The following GFPT1 variants were observed in gnomAD, a reference collection of about 807,000 sequenced individuals.
GFPT1 encodes glutamine--fructose-6-phosphate aminotransferase [isomerizing] 1.
A neutral mutation model predicts 92.0 loss-of-function variants in GFPT1; 40 were observed. The ratio of observed to expected loss-of-function variants is 0.43; its 90% CI spans 0.34 to 0.57. The LOEUF (loss-of-function observed/expected upper bound fraction) is 0.57. Among genes scored for constraint, GFPT1 ranks in the 20% least tolerant of loss-of-function variants. The pLI is 0.02. For synonymous variants in GFPT1, 269 were observed against 280.6 expected (o/e 0.96, Z 0.41); for missense variants, 448 against 869.1 (o/e 0.52, Z 6.09).
chr2:69,329,583 T>C (rs1238601412), intron 16 of GFPT1, 101 bp downstream of exon 16: 9 of 977,982 alleles, frequency 9.2e-6, no homozygotes, highest in Admixed American at 9.1e-5. Flanking sequence ...AAAGATCTTA[T>C]TGACTAAATA....
intron 15 of GFPT1, among the ~76,000 whole-genome samples, chr2:69,335,138 C>G (rs1352129841): frequency 1.3e-5 from 2 of 152,022 alleles, no homozygotes; most frequent in Non-Finnish European, 2.9e-5. Context: ...TCCTGAGTAG[C>G]TGGGACTACA....
intron 1 of GFPT1, among the ~76,000 whole-genome samples, chr2:69,375,893 C>T (rs924927349): frequency 6.6e-6 from 1 of 152,198 alleles, no homozygotes; most frequent in Non-Finnish European, 1.5e-5. Flanking sequence ...GGTAGCGGCA[C>T]AGCAATGTGC....
In GFPT1 at chr2:69,343,559, G is replaced by A. The variant is rs545806692; in HGVS notation, c.1106-1310C>T. ...CTTAGTAGCTGGGATTACAGGCCGC[G>A]AGCCACCACGCCCAGCTAATTTTTT... On this transcript the variant is annotated intron_variant, in intron 12 of 19. Coordinates refer to ENST00000357308, the MANE Select transcript of GFPT1 (RefSeq NM_001244710.2). Among the ~76,000 whole-genome samples the A allele has an allele frequency of 2.6e-5, 4 of 151,818 alleles. 1 individual carries two copies. The highest frequency in any genetic ancestry group is 4.2e-4 in the South Asian group (2 of 4,794).
At chr2:69,350,839 G>T (rs1341201310) in intron 9 of GFPT1, among the ~76,000 whole-genome samples, 1 of 151,414 alleles carries the variant, frequency 6.6e-6, no homozygotes, top group East Asian at 1.9e-4. Flanking sequence ...GGAAGTGGAG[G>T]CTGCAGTGAG....
intron 15 of GFPT1, among the ~76,000 whole-genome samples, chr2:69,335,542 T>C (rs1670774239): frequency 6.6e-6 from 1 of 152,106 alleles, no homozygotes; most frequent in Admixed American, 6.5e-5. Flanking sequence ...CTGTTATAAA[T>C]AAAGAGCCTC....
intron 2 of GFPT1, chr2:69,371,258 A>C (rs1315226654): frequency 6.9e-6 from 1 of 145,642 alleles, no homozygotes; most frequent in Admixed American, 6.8e-5. Flanking sequence ...TTTTTTTTTT[A>C]AGTAGAGATG....
chr2:69,356,224 C>T (rs912267805), intron 7 of GFPT1, among the ~76,000 whole-genome samples: 1 of 151,994 alleles, frequency 6.6e-6, no homozygotes. Flanking sequence ...AAACTCCTGA[C>T]CTCAGATGAT....
In GFPT1 at chr2:69,321,920, C is replaced by T. The variant is rs1474613755; in HGVS notation, c.*4269G>A. On this transcript the variant is annotated 3_prime_UTR_variant, in exon 20 of 20. Transcript: ENST00000357308. ...AATATAGCATAATTTTACAATCGTACTTTCACTATGATTTTTATTTTAACC... is the reference window on the plus strand; with the variant it reads ...AATATAGCATAATTTTACAATCGTATTTTCACTATGATTTTTATTTTAACC... 1 of 152,158 alleles carries T rather than the reference C, an allele frequency of 6.6e-6. No homozygotes were observed. The highest frequency in any genetic ancestry group is 2.4e-5 in the African/African-American group (1 of 41,438). The allele number at this position is 152,158 out of a possible 1,614,324, so 9.4% of individuals were successfully genotyped here.
intron 7 of GFPT1, among the ~76,000 whole-genome samples, chr2:69,356,286 G>A (rs746226562): frequency 2.0e-5 from 3 of 152,010 alleles, no homozygotes; most frequent in Non-Finnish European, 2.9e-5. Flanking sequence ...GAGCCACAGC[G>A]CCCGGCCTGT....
At chr2:69,369,715 T>C (rs1293709456) in intron 3 of GFPT1, among the ~76,000 whole-genome samples, 2 of 152,244 alleles carry the variant, frequency 1.3e-5, no homozygotes, top group African/African-American at 2.4e-5. Context: ...TCCTCAGGAA[T>C]GGTGGCTCTG....
At chr2:69,344,807 C>G (rs1671045202) in intron 12 of GFPT1, among the ~76,000 whole-genome samples, 2 of 151,824 alleles carry the variant, frequency 1.3e-5, no homozygotes, top group South Asian at 4.2e-4. Context: ...CCACACCCAG[C>G]TAATTTTTTA....
At chr2:69,341,124 A>G (rs1490083229) in intron 13 of GFPT1, among the ~76,000 whole-genome samples, 1 of 150,950 alleles carries the variant, frequency 6.6e-6, no homozygotes, top group African/African-American at 2.5e-5. Context: ...ACACCCCGAT[A>G]ATTTTTTTTT....
At position 69,320,736 on chromosome 2, in the gene GFPT1, C is replaced by T. The variant is rs1670383676; in HGVS notation, c.*5453G>A. The T allele has an allele frequency of 6.7e-6, 1 of 149,998 alleles. No homozygotes were observed. The highest frequency in any genetic ancestry group is 2.5e-5 in the African/African-American group (1 of 40,610). The allele number at this position is 149,998 out of a possible 1,614,324, so 9.3% of individuals were successfully genotyped here. A position where few individuals can be genotyped will look rare whatever the true frequency, so the allele number is the denominator to read the frequency against. ...ACGGGAGGTGGAAGTTGCAGTCAGC[C>T]AAGATTGCAGCACTGCATGCCAGCC... On this transcript the variant is annotated 3_prime_UTR_variant, in exon 20 of 20. Transcript: ENST00000357308.
At chr2:69,339,847 C>T (rs974702493) in intron 13 of GFPT1, among the ~76,000 whole-genome samples, 3 of 152,176 alleles carry the variant, frequency 2.0e-5, no homozygotes, top group Non-Finnish European at 2.9e-5. Context: ...AGATAAAATG[C>T]TCCTATTTTT....
At chr2:69,344,949 A>G (rs1351615179) in intron 12 of GFPT1, among the ~76,000 whole-genome samples, 3 of 152,088 alleles carry the variant, frequency 2.0e-5, no homozygotes, top group African/African-American at 7.2e-5. Flanking sequence ...ACTTTTTAAA[A>G]CCGTGAACTT....
In GFPT1 at chr2:69,370,128, A is replaced by G. The variant is rs765286670; in HGVS notation, c.116-20T>C. ...CCACACCTAAACCATCATGAGGTAA[A>G]AAAGCAAAATTTAGAAACTGGCTAC... On this transcript the variant is annotated intron_variant, in intron 2 of 19. Coordinates refer to ENST00000357308, the MANE Select transcript of GFPT1 (RefSeq NM_001244710.2). 1 of 1,482,542 alleles carries G rather than the reference A, an allele frequency of 6.7e-7. No homozygotes were observed. Among genetic ancestry groups the G allele is most frequent in the South Asian group, 1.1e-5 (1 of 88,298 alleles). The allele number at this position is 1,482,542 out of a possible 1,614,324, so 91.8% of individuals were successfully genotyped here.
intron 15 of GFPT1, among the ~76,000 whole-genome samples, chr2:69,336,350 A>AG (rs1156228967): frequency 2.7e-5 from 4 of 150,880 alleles, no homozygotes. Context: ...AAAAAAAAAA[A>AG]AAAAAAGAAA....
chr2:69,355,394 T>G (rs55797343), intron 7 of GFPT1, among the ~76,000 whole-genome samples: 25,291 of 105,744 alleles, frequency 0.24, 2,266 homozygotes, highest in African/African-American at 0.38. Flanking sequence ...AGGTTTTTGG[T>G]TTTTTTTTAA....
intron 3 of GFPT1, among the ~76,000 whole-genome samples, chr2:69,364,153 C>G (rs1364564688): frequency 6.6e-6 from 1 of 151,332 alleles, no homozygotes; most frequent in African/African-American, 2.4e-5. Flanking sequence ...CATTGTACGT[C>G]TGTATCAAGA....
Sources: gnomAD v4.1 joint callset for allele counts (sites outside exome capture counted in the v4.1 genomes callset) on GRCh38, gnomAD v4.1.1 for gene constraint, MANE v1.5 for transcripts, NCBI Gene and HGNC (gene_info 2026-07-23, HGNC 2026-07-21) for gene names.